The following RFX8 variants were observed in gnomAD, a reference collection of about 807,000 sequenced individuals.
The protein encoded by RFX8 is DNA-binding protein RFX8.
RFX8 carries 46 observed loss-of-function variants against 54.6 expected under a neutral mutation model. That is an observed-to-expected ratio of 0.84 (90% CI 0.67 to 1.08). RFX8 has a LOEUF of 1.08. RFX8 is among the 50% of genes least tolerant of loss of function. The pLI is 0.00. For missense variants in RFX8, 536 were observed against 562.3 expected (o/e 0.95, Z 0.47); for synonymous variants, 192 against 209.5 (o/e 0.92, Z 0.72).
intron 2 of RFX8, among the ~76,000 whole-genome samples, chr2:101,439,163 C>T (rs1003549136): frequency 6.6e-6 from 1 of 152,100 alleles, no homozygotes; most frequent in East Asian, 1.9e-4. Flanking sequence ...ACTGAGTGTC[C>T]CTTCATGTGC....
chr2:101,462,044 A>T (rs978770406), intron 2 of RFX8, among the ~76,000 whole-genome samples: 1 of 152,168 alleles, frequency 6.6e-6, no homozygotes, highest in Non-Finnish European at 1.5e-5. Flanking sequence ...ACATATGGGG[A>T]TCTATCCTAA....
At chr2:101,437,690 C>T (rs747238692) in intron 2 of RFX8, among the ~76,000 whole-genome samples, 1 of 152,106 alleles carries the variant, frequency 6.6e-6, no homozygotes, top group African/African-American at 2.4e-5. Flanking sequence ...TTTAGTTTCC[C>T]CCGATGGTTA....
intron 2 of RFX8, among the ~76,000 whole-genome samples, chr2:101,454,307 A>G (rs1558883053): frequency 1.3e-5 from 2 of 152,108 alleles, no homozygotes; most frequent in Admixed American, 1.3e-4. Flanking sequence ...TGATGGTCAT[A>G]TGGGTTGGTT....
At chr2:101,404,907 G>T in intron 10 of RFX8, among the ~76,000 whole-genome samples, 1 of 152,186 alleles carries the variant, frequency 6.6e-6, no homozygotes, top group Non-Finnish European at 1.5e-5. Flanking sequence ...TGTCTGCAAA[G>T]CTGGTCTAGA....
chr2:101,448,089 T>C (rs1485612622), intron 2 of RFX8, among the ~76,000 whole-genome samples: 9 of 152,354 alleles, frequency 5.9e-5, no homozygotes, highest in Admixed American at 4.6e-4. Flanking sequence ...GGAGGCTTCA[T>C]GGCCTAATCA....
chr2:101,448,508 T>C (rs1461141815), intron 2 of RFX8, among the ~76,000 whole-genome samples: 2 of 152,230 alleles, frequency 1.3e-5, no homozygotes, highest in African/African-American at 4.8e-5. Flanking sequence ...CCCAACGCCC[T>C]TGTAGGCCCT....
chr2:101,400,673 T>A (rs1411097770), intron 11 of RFX8, among the ~76,000 whole-genome samples: 1 of 152,216 alleles, frequency 6.6e-6, no homozygotes, highest in Non-Finnish European at 1.5e-5. Context: ...AAGATGTTTT[T>A]GTTTTTCCTT....
At chr2:101,409,401 T>C (rs928370183) in intron 9 of RFX8, among the ~76,000 whole-genome samples, 1 of 151,750 alleles carries the variant, frequency 6.6e-6, no homozygotes, top group Admixed American at 6.6e-5. Context: ...TTTTTTGTAT[T>C]TTTTTTAGTA....
intron 9 of RFX8, among the ~76,000 whole-genome samples, 160 bp downstream of exon 9, chr2:101,410,459 T>A (rs1180669895): frequency 6.6e-6 from 1 of 150,496 alleles, no homozygotes; most frequent in African/African-American, 2.4e-5. Flanking sequence ...CTCCACCTGC[T>A]ACAGAGTTCG....
intron 2 of RFX8, among the ~76,000 whole-genome samples, chr2:101,431,602 G>A (rs1687492974): frequency 1.3e-5 from 2 of 152,150 alleles, no homozygotes; most frequent in African/African-American, 4.8e-5. Context: ...AGAATGTCTG[G>A]TTTCAGACTT....
intron 2 of RFX8, among the ~76,000 whole-genome samples, chr2:101,432,631 C>T (rs951302268): frequency 1.3e-5 from 2 of 152,142 alleles, no homozygotes; most frequent in Non-Finnish European, 2.9e-5. Flanking sequence ...GGGCTCACTG[C>T]CCCCTGCGTC....
intron 2 of RFX8, among the ~76,000 whole-genome samples, chr2:101,426,990 G>A (rs1018461121): frequency 3.9e-5 from 6 of 152,108 alleles, no homozygotes; most frequent in Non-Finnish European, 2.9e-5. Flanking sequence ...TGTGCCCTCT[G>A]GTCCTCTCCA....
intron 8 of RFX8, among the ~76,000 whole-genome samples, chr2:101,411,055 C>A (rs1686095806): frequency 6.6e-6 from 1 of 152,212 alleles, no homozygotes. Context: ...CCTATCCTTG[C>A]CATCTTCATC....
chr2:101,456,024 G>A (rs1038404895), intron 2 of RFX8, among the ~76,000 whole-genome samples: 2 of 152,022 alleles, frequency 1.3e-5, no homozygotes, highest in African/African-American at 4.8e-5. Flanking sequence ...GTCTGTAATT[G>A]GTGTATAGGA....
chr2:101,402,819 A>G lies in RFX8; in HGVS notation c.929-67T>C, dbSNP rs944772826. 1.4e-5 allele frequency: 20 copies of G among 1,396,812 alleles called. No homozygotes were observed. In the Admixed American group the frequency reaches 4.5e-4, roughly 31 times the overall value. The allele number at this position is 1,396,812 out of a possible 1,614,324, so 86.5% of individuals were successfully genotyped here. On this transcript the variant is annotated intron_variant, in intron 10 of 11. Coordinates refer to ENST00000428343, the MANE Select transcript of RFX8 (RefSeq NM_001145664.2). ...CAGACAATAAACAAATCATTGTGAAACTAACAACTTTTCTGGGGCTAACAC... is the reference window on the plus strand; with the variant it reads ...CAGACAATAAACAAATCATTGTGAAGCTAACAACTTTTCTGGGGCTAACAC...
rs149313894 is a variant in RFX8, at chr2:101,460,092, C to T, written c.72+6685G>A. ...CTCCTGGTCTGACAGTTGCTAAGAC[C>T]TTGGGAGAAGTGCAGTATTTGGGCA... is the stretch of plus-strand genomic sequence containing the variant. On this transcript the variant is annotated intron_variant, in intron 2 of 11. Transcript: ENST00000428343. 2.4e-4 allele frequency among the ~76,000 whole-genome samples: 36 copies of T among 152,340 alleles called. 1 individual carries two copies. In the East Asian group the frequency reaches 6.6e-3, roughly 28 times the overall value.
At chr2:101,443,496 T>G (rs376918845) in intron 2 of RFX8, among the ~76,000 whole-genome samples, 1 of 152,224 alleles carries the variant, frequency 6.6e-6, no homozygotes, top group Admixed American at 6.5e-5. Context: ...TTACAAATCA[T>G]GTACAGGGAA....
intron 1 of RFX8, among the ~76,000 whole-genome samples, chr2:101,470,189 A>T (rs978789769): frequency 2.0e-5 from 3 of 152,136 alleles, no homozygotes; most frequent in African/African-American, 7.2e-5. Context: ...TGACTCTGAG[A>T]CACCTGAGAG....
chr2:101,459,346 G>C (rs1206782642), intron 2 of RFX8, among the ~76,000 whole-genome samples: 1 of 152,176 alleles, frequency 6.6e-6, no homozygotes, highest in Non-Finnish European at 1.5e-5. Context: ...CCATCTTTGT[G>C]ATTTTATCTA....
Sources: gnomAD v4.1 joint callset for allele counts (sites outside exome capture counted in the v4.1 genomes callset) on GRCh38, gnomAD v4.1.1 for gene constraint, MANE v1.5 for transcripts, NCBI Gene and HGNC (gene_info 2026-07-23, HGNC 2026-07-21) for gene names.